CC2D2A: variants seen among roughly 807,000 people sequenced by gnomAD.
The protein encoded by CC2D2A is coiled-coil and C2 domain-containing protein 2A.
Under a neutral mutation model 212.9 loss-of-function variants are expected in CC2D2A, and 155 were observed. The observed-to-expected ratio is 0.73, with a 90% CI of 0.64 to 0.83. The LOEUF (loss-of-function observed/expected upper bound fraction) is 0.83. CC2D2A is among the 40% of genes least tolerant of loss of function. The pLI is 0.00. For missense variants in CC2D2A, 1,856 were observed against 1,956.2 expected (o/e 0.95, Z 0.97); for synonymous variants, 667 against 686.5 (o/e 0.97, Z 0.44).
chr4:15,597,712 T>G (rs1170091082), intron 35 of CC2D2A, among the ~76,000 whole-genome samples: 1 of 152,214 alleles, frequency 6.6e-6, no homozygotes, highest in Non-Finnish European at 1.5e-5. Context: ...GGACTTCACC[T>G]TGGATTGGAG....
chr4:15,533,166 A>G (rs1240433138), intron 13 of CC2D2A, 27 bp from the exon 14 acceptor site: 2 of 1,555,416 alleles, frequency 1.3e-6, no homozygotes, highest in Middle Eastern at 1.7e-4. Flanking sequence ...TTTTTAATAT[A>G]TACTCATGTG....
intron 4 of CC2D2A, among the ~76,000 whole-genome samples, chr4:15,495,716 T>C (rs1437073346): frequency 1.3e-5 from 2 of 152,186 alleles, no homozygotes; most frequent in Non-Finnish European, 2.9e-5. Flanking sequence ...GTCTTTATGG[T>C]AGAATGATTT....
intron 20 of CC2D2A, among the ~76,000 whole-genome samples, chr4:15,555,626 C>G (rs988817374): frequency 1.3e-5 from 2 of 152,200 alleles, no homozygotes; most frequent in East Asian, 3.8e-4. Context: ...ATAGTCCCAG[C>G]TACTAAGGAG....
chr4:15,538,220 A>G, intron 16 of CC2D2A, 83 bp downstream of exon 16: 1 of 1,384,370 alleles, frequency 7.2e-7, no homozygotes, highest in Non-Finnish European at 9.6e-7. Context: ...CATGCACGAC[A>G]TGGGGAGTGT....
chr4:15,500,375 G>T (rs1039437618), intron 4 of CC2D2A, among the ~76,000 whole-genome samples: 1 of 151,964 alleles, frequency 6.6e-6, no homozygotes, highest in Non-Finnish European at 1.5e-5. Flanking sequence ...AGGACTCTGC[G>T]CATATGCCAC....
In CC2D2A at chr4:15,599,573, G is replaced by A. The variant is rs368191427; in HGVS notation, c.4541G>A (p.Arg1514His). 44 of 1,597,586 alleles carry A rather than the reference G, an allele frequency of 2.8e-5. No homozygotes were observed. The highest frequency in any genetic ancestry group is 3.4e-5 in the Non-Finnish European group (40 of 1,168,558). ...GAAAAAATCATGGACTGGAGGCCAC[G>A]CCATCTGACTCGGTGGAATAGGTAT... is the stretch of plus-strand genomic sequence containing the variant. ...LKEKIMDWRP[R>H]HLTRWNRYCT... The change falls in exon 36 of 37, where the codon CGC becomes CAC. Residue 1514 changes from arginine (R) to histidine (H), a missense_variant. By Grantham distance (29) the Arg-to-His change is conservative. Coordinates refer to ENST00000424120, the MANE Select transcript of CC2D2A (RefSeq NM_001378615.1).
At chr4:15,583,550 A>G (rs750621953) in intron 30 of CC2D2A, among the ~76,000 whole-genome samples, 30 of 152,240 alleles carry the variant, frequency 2.0e-4, no homozygotes, top group Non-Finnish European at 3.8e-4. Flanking sequence ...ATAATAAACT[A>G]GCTTAAAAAA....
intron 4 of CC2D2A, among the ~76,000 whole-genome samples, chr4:15,489,060 G>A (rs1247798238): frequency 6.6e-6 from 1 of 152,144 alleles, no homozygotes; most frequent in Non-Finnish European, 1.5e-5. Flanking sequence ...AGTTTCTTAT[G>A]AACACAAATT....
intron 22 of CC2D2A, among the ~76,000 whole-genome samples, chr4:15,559,988 T>A (rs1719490306): frequency 9.9e-5 from 15 of 151,988 alleles, no homozygotes; most frequent in Admixed American, 9.8e-4. Flanking sequence ...CACACCACCA[T>A]GCCTGGCTAA....
chr4:15,576,737 A>T (rs1720430666), intron 29 of CC2D2A: 2 of 152,672 alleles, frequency 1.3e-5, no homozygotes. Context: ...CGTATGTGTA[A>T]TGCCTGGGCA....
At chr4:15,530,129 G>A (rs1560167920) in intron 13 of CC2D2A, among the ~76,000 whole-genome samples, 1 of 151,860 alleles carries the variant, frequency 6.6e-6, no homozygotes, top group Admixed American at 6.6e-5. Flanking sequence ...CCGCCACTAC[G>A]CCAGGCTAAT....
rs1189436295 is a variant in CC2D2A at position 15,601,425 on chromosome 4, A to AT, written c.*7dup. 6 of 1,458,874 alleles carry AT rather than the reference A, an allele frequency of 4.1e-6. No individual in the cohort carries two copies. The African/African-American group carries it at 5.6e-5, about 14-fold the overall frequency. The allele number at this position is 1,458,874 out of a possible 1,614,324, so 90.4% of individuals were successfully genotyped here. ...TTGCCTCTCTTATACGCAACAGGTA[A>AT]TTTTTTTCACTGTACTTTCTGTATC... On this transcript the variant is annotated 3_prime_UTR_variant, in exon 37 of 37. Coordinates refer to ENST00000424120, the MANE Select transcript of CC2D2A (RefSeq NM_001378615.1).
At chr4:15,524,920 G>A (rs1323130071) in intron 11 of CC2D2A, among the ~76,000 whole-genome samples, 1 of 152,178 alleles carries the variant, frequency 6.6e-6, no homozygotes, top group Non-Finnish European at 1.5e-5. Flanking sequence ...GGGAGTAATT[G>A]TTGCTATTGT....
chr4:15,508,390 T>A (rs554573602), intron 6 of CC2D2A, among the ~76,000 whole-genome samples: 1 of 152,132 alleles, frequency 6.6e-6, no homozygotes, highest in Non-Finnish European at 1.5e-5. Context: ...TAAACTAAAA[T>A]GTTTAGTCGT....
chr4:15,579,844 AGCTTTGT>A, intron 29 of CC2D2A, 117 bp from the exon 30 acceptor site: 1 of 727,504 alleles, frequency 1.4e-6, no homozygotes, highest in Non-Finnish European at 2.4e-6. Context: ...AGGACATGAC[AGCTTTGT>A]AAGGAGTCAG....
chr4:15,491,928 T>C (rs567565616), intron 4 of CC2D2A, among the ~76,000 whole-genome samples: 2 of 152,336 alleles, frequency 1.3e-5, no homozygotes, highest in South Asian at 4.1e-4. Flanking sequence ...GATTGTGCTT[T>C]TAGGGTTGTA....
At chr4:15,493,069 TC>T (rs980783279) in intron 4 of CC2D2A, 12 of 363,564 alleles carry the variant, frequency 3.3e-5, no homozygotes, top group Non-Finnish European at 6.4e-5. Flanking sequence ...ATTTTTGGGT[TC>T]CCCATTTCTG....
At chr4:15,589,807 A>T in intron 33 of CC2D2A, 128 bp downstream of exon 33, 1 of 204,962 alleles carries the variant, frequency 4.9e-6, no homozygotes, top group Non-Finnish European at 6.6e-6. Flanking sequence ...ATACACACAT[A>T]TATATATACC....
rs74922328 is a variant in CC2D2A at position 15,518,848 on chromosome 4, C to T, written c.1149+2092C>T. On this transcript the variant is annotated intron_variant, in intron 11 of 36. Coordinates refer to ENST00000424120, the MANE Select transcript of CC2D2A (RefSeq NM_001378615.1). ...GGGCATCAAGTCCCTAGACTGCACA[C>T]AGCATGGGGACCCTAGGCCTGGCCT... Among the ~76,000 whole-genome samples, 713 of 152,316 alleles carry T rather than the reference C, an allele frequency of 4.7e-3. 9 individuals carry two copies. Among genetic ancestry groups the T allele is most frequent in the African/African-American group, 0.016 (678 of 41,564 alleles).
Sources: allele counts gnomAD v4.1 joint callset (sites outside exome capture counted in the v4.1 genomes callset), GRCh38; gene constraint gnomAD v4.1.1; transcripts MANE v1.5; gene names NCBI Gene and HGNC (gene_info 2026-07-23, HGNC 2026-07-21).